Variants in AGBL4 observed in about 807,000 individuals in gnomAD.
AGBL4 encodes the protein AGBL carboxypeptidase 4, also known as cytosolic carboxypeptidase 6.
A neutral mutation model predicts 66.4 loss-of-function variants in AGBL4; 58 were observed. That is an observed-to-expected ratio of 0.87 (90% CI 0.71 to 1.09). AGBL4 has a LOEUF of 1.09. Ranked by LOEUF, AGBL4 falls within the 50% of genes least tolerant of loss-of-function variation. The pLI is 0.00. For missense variants in AGBL4, 579 were observed against 631.0 expected, an observed-to-expected ratio of 0.92 and a Z score of 0.88; for synonymous variants, 234 against 222.9, an observed-to-expected ratio of 1.05 and a Z score of -0.44.
chr1:49,860,962 C>A (rs1306060910), intron 1 of AGBL4, among the ~76,000 whole-genome samples: 1 of 152,068 alleles, frequency 6.6e-6, no homozygotes, highest in Non-Finnish European at 1.5e-5. Flanking sequence ...CAGGCAGCTA[C>A]AGAGTGGTGC....
chr1:49,651,737 C>G (rs1485479272), intron 3 of AGBL4, among the ~76,000 whole-genome samples: 1 of 152,006 alleles, frequency 6.6e-6, no homozygotes, highest in African/African-American at 2.4e-5. Context: ...ACAGCAAATT[C>G]AAAATAAGAA....
chr1:49,433,758 T>A (rs1412933566), intron 3 of AGBL4, among the ~76,000 whole-genome samples: 2 of 152,180 alleles, frequency 1.3e-5, no homozygotes, highest in Non-Finnish European at 2.9e-5. Flanking sequence ...AAGCCTAAGT[T>A]TACTTGTCAA....
chr1:49,327,072 TCTC>T (rs1178879288), intron 3 of AGBL4, among the ~76,000 whole-genome samples: 2 of 152,126 alleles, frequency 1.3e-5, no homozygotes, highest in Admixed American at 1.3e-4. Flanking sequence ...TTCTCTCATG[TCTC>T]CTCTGACTTT....
At chr1:49,179,352 G>T (rs964297099) in intron 4 of AGBL4, among the ~76,000 whole-genome samples, 6 of 152,014 alleles carry the variant, frequency 3.9e-5, no homozygotes, top group Admixed American at 6.5e-5. Context: ...TATATAGGGG[G>T]TTATAAAAGA....
At chr1:48,854,308 G>A (rs995156177) in intron 6 of AGBL4, among the ~76,000 whole-genome samples, 1 of 152,154 alleles carries the variant, frequency 6.6e-6, no homozygotes, top group Non-Finnish European at 1.5e-5. Flanking sequence ...AGACTCTGTG[G>A]TCTGCTCTCC....
At chr1:49,260,194 A>G (rs1391988060) in intron 3 of AGBL4, among the ~76,000 whole-genome samples, 1 of 151,982 alleles carries the variant, frequency 6.6e-6, no homozygotes, top group Non-Finnish European at 1.5e-5. Flanking sequence ...GAATGCCCAC[A>G]AGAGAAAGCA....
intron 3 of AGBL4, among the ~76,000 whole-genome samples, chr1:49,696,958 C>A (rs1287663556): frequency 6.6e-6 from 1 of 152,074 alleles, no homozygotes; most frequent in Non-Finnish European, 1.5e-5. Flanking sequence ...TCTCACAGAT[C>A]TTTATAAAGA....
chr1:48,726,610 G>C (rs1236176508), intron 6 of AGBL4, among the ~76,000 whole-genome samples: 1 of 152,178 alleles, frequency 6.6e-6, no homozygotes, highest in East Asian at 1.9e-4. Flanking sequence ...TTACTGATAA[G>C]AACTCTGAGA....
At chr1:49,108,209 C>A (rs1232684354) in intron 4 of AGBL4, among the ~76,000 whole-genome samples, 2 of 152,126 alleles carry the variant, frequency 1.3e-5, no homozygotes, top group African/African-American at 4.8e-5. Context: ...CCTGTTGTTA[C>A]CTATGAATTC....
intron 1 of AGBL4, chr1:49,996,307 T>C (rs1660364096): frequency 6.6e-6 from 1 of 152,038 alleles, no homozygotes; most frequent in Admixed American, 6.6e-5. Flanking sequence ...TTAATGAAAT[T>C]TTTTAAATAT....
At chr1:49,153,087 C>T (rs924077308) in intron 4 of AGBL4, among the ~76,000 whole-genome samples, 1 of 152,002 alleles carries the variant, frequency 6.6e-6, no homozygotes, top group Admixed American at 6.6e-5. Flanking sequence ...GATTAAGGGA[C>T]GTTTGGGGCT....
chr1:49,898,430 A>G (rs1448679505), intron 1 of AGBL4, among the ~76,000 whole-genome samples: 1 of 152,140 alleles, frequency 6.6e-6, no homozygotes, highest in Admixed American at 6.6e-5. Flanking sequence ...ATCTCACCCC[A>G]GTTAAAATGG....
intron 2 of AGBL4, among the ~76,000 whole-genome samples, chr1:49,741,886 T>C (rs1233415070): frequency 2.0e-5 from 3 of 152,092 alleles, no homozygotes; most frequent in Non-Finnish European, 2.9e-5. Context: ...AATTAGGTAT[T>C]GATGGGACGT....
chr1:49,030,739 G>T (rs1427660816), intron 5 of AGBL4, among the ~76,000 whole-genome samples: 4 of 150,618 alleles, frequency 2.7e-5, no homozygotes, highest in Non-Finnish European at 5.9e-5. Context: ...CTAGTCCCTG[G>T]TGCCAAAAAG....
chr1:48,676,739 T>C (rs1446611747), intron 6 of AGBL4, among the ~76,000 whole-genome samples: 1 of 152,122 alleles, frequency 6.6e-6, no homozygotes, highest in Non-Finnish European at 1.5e-5. Flanking sequence ...GCTAATACAC[T>C]GGCAAGAAAC....
At chr1:49,505,798 G>A (rs188874917) in intron 3 of AGBL4, among the ~76,000 whole-genome samples, 16 of 151,702 alleles carry the variant, frequency 1.1e-4, no homozygotes, top group Admixed American at 4.6e-4. Flanking sequence ...AATATTTTCT[G>A]TTATTATTTC....
At chr1:49,842,157 C>A in intron 2 of AGBL4, 2 of 404,014 alleles carry the variant, frequency 5.0e-6, no homozygotes, top group Non-Finnish European at 9.4e-6. Context: ...ACCCACACTG[C>A]ATTGGAGGAG....
intron 2 of AGBL4, among the ~76,000 whole-genome samples, chr1:49,789,272 T>C (rs61785460): frequency 0.025 from 3,789 of 152,288 alleles, 144 homozygotes; most frequent in Admixed American, 0.11. Flanking sequence ...TTTGCATCAA[T>C]GTTCATCAGG....
intron 4 of AGBL4, among the ~76,000 whole-genome samples, chr1:49,184,115 C>G (rs1209705412): frequency 6.6e-6 from 1 of 152,104 alleles, no homozygotes; most frequent in Admixed American, 6.6e-5. Context: ...TTACAAGGTG[C>G]CAGATGTAGA....
Sources: allele counts gnomAD v4.1 joint callset (sites outside exome capture counted in the v4.1 genomes callset), GRCh38; gene constraint gnomAD v4.1.1; transcripts MANE v1.5; gene names NCBI Gene and HGNC (gene_info 2026-07-23, HGNC 2026-07-21).